Variants in LTBP1 observed in about 807,000 individuals in gnomAD.
LTBP1 encodes the protein latent transforming growth factor beta binding protein 1.
A neutral mutation model predicts 207.6 loss-of-function variants in LTBP1; 129 were observed. That is an observed-to-expected ratio of 0.62 (90% confidence interval 0.54 to 0.72). The LOEUF is 0.72. Ranked by LOEUF, LTBP1 falls within the 30% of genes least tolerant of loss-of-function variation. The pLI is 0.00. For synonymous variants in LTBP1, 963 were observed against 833.7 expected, an observed-to-expected ratio of 1.16 and a Z score of -2.67; for missense variants, 2,281 against 2,217.2, an observed-to-expected ratio of 1.03 and a Z score of -0.58.
At chr2:33,074,829 C>T (rs930134868) in intron 3 of LTBP1, among the ~76,000 whole-genome samples, 3 of 149,486 alleles carry the variant, frequency 2.0e-5, no homozygotes, top group South Asian at 2.1e-4. Context: ...GAGATCGCAC[C>T]ACTGCACTCC....
intron 3 of LTBP1, among the ~76,000 whole-genome samples, chr2:33,046,580 T>A (rs537190154): frequency 2.0e-5 from 3 of 152,286 alleles, no homozygotes; most frequent in Admixed American, 6.5e-5. Context: ...ATTTTCTTTT[T>A]TGTGTGTCTC....
intron 2 of LTBP1, among the ~76,000 whole-genome samples, chr2:33,007,509 A>C (rs1372274889): frequency 6.6e-6 from 1 of 152,218 alleles, no homozygotes; most frequent in Non-Finnish European, 1.5e-5. Flanking sequence ...CTCACGTAGC[A>C]TTTTATTTTA....
At chr2:33,270,720 A>G (rs937634875) in intron 15 of LTBP1, among the ~76,000 whole-genome samples, 2 of 152,068 alleles carry the variant, frequency 1.3e-5, no homozygotes, top group African/African-American at 4.8e-5. Context: ...GAAATCAAGT[A>G]TGTTTCAGAA....
intron 19 of LTBP1, among the ~76,000 whole-genome samples, chr2:33,282,062 CATATAT>C (rs66505403): frequency 0.13 from 18,297 of 142,758 alleles, 1,281 homozygotes; most frequent in African/African-American, 0.19. Flanking sequence ...CCTATATGTG[CATATAT>C]ATATATATAT....
At chr2:33,141,159 C>T (rs544902711) in intron 5 of LTBP1, among the ~76,000 whole-genome samples, 9 of 152,314 alleles carry the variant, frequency 5.9e-5, no homozygotes, top group African/African-American at 1.9e-4. Flanking sequence ...CGTGGATGAA[C>T]CTCAAAGATG....
intron 5 of LTBP1, among the ~76,000 whole-genome samples, chr2:33,172,282 A>G (rs1477919456): frequency 6.6e-6 from 1 of 152,200 alleles, no homozygotes; most frequent in Non-Finnish European, 1.5e-5. Flanking sequence ...AGACACACAT[A>G]GACTCAAAAT....
chr2:33,360,647 T>C lies in LTBP1; in HGVS notation c.4051T>C (p.Tyr1351His). 6.2e-7 allele frequency: 1 copy of C among 1,613,832 alleles called. No individual in the cohort carries two copies. Among genetic ancestry groups the C allele is most frequent in the African/African-American group, 1.3e-5 (1 of 75,052 alleles). ...QPKEEKKECY[Y>H]NLNDASLCDN... ...CAAAGAAGAAAAGAAAGAATGCTAC[T>C]ATAATCTCAATGACGCCAGTCTCTG... Residue 1351 changes from tyrosine to histidine, a missense_variant, in exon 27 of 34, where the codon TAT becomes CAT. Around this residue, in one of 3 missense-constraint regions of LTBP1, gnomAD observed 1,671 missense variants for 1,634.8 expected, o/e 1.02. Coordinates refer to ENST00000404816, the MANE Select transcript of LTBP1 (RefSeq NM_206943.4).
chr2:33,161,945 C>G (rs1438825119), intron 5 of LTBP1, among the ~76,000 whole-genome samples: 1 of 152,134 alleles, frequency 6.6e-6, no homozygotes, highest in African/African-American at 2.4e-5. Context: ...AGATGGGAAC[C>G]AAGTGACTTG....
At chr2:33,080,354 A>G (rs1354259496) in intron 3 of LTBP1, among the ~76,000 whole-genome samples, 2 of 152,168 alleles carry the variant, frequency 1.3e-5, no homozygotes, top group Non-Finnish European at 2.9e-5. Flanking sequence ...AACTAGAACC[A>G]ATGTCCCCAT....
Position 33,186,863 on chromosome 2 carries a change from C to T in LTBP1, c.1209C>T (p.Cys403=), listed in dbSNP as rs1311088268. The change falls in exon 6 of 34, where the codon TGC becomes TGT. Residue 403 remains cysteine, a synonymous_variant. Transcript: ENST00000404816. ...LTATNFRVVI[C]HLPCMNGGQC... ...TTCTCTTTTCCCTTTTAGTAATTTG[C>T]CATCTTCCATGTATGAATGGTGGCC... 6.2e-7 allele frequency: 1 copy of T among 1,613,032 alleles called. No homozygotes were observed. Among genetic ancestry groups the T allele is most frequent in the Admixed American group, 1.7e-5 (1 of 60,014 alleles).
rs1573497815 is a variant in LTBP1 at position 33,263,188 on chromosome 2, A to T, written c.2519-106A>T. 3 of 722,740 alleles carry T rather than the reference A, an allele frequency of 4.2e-6. 1 individual carries two copies. The Admixed American group carries it at 6.0e-5, about 14-fold the overall frequency. The allele number at this position is 722,740 out of a possible 1,614,324, so 44.8% of individuals were successfully genotyped here. On this transcript the variant is annotated intron_variant, in intron 14 of 33. Transcript: ENST00000404816. ...TAGAACAGTTCTTTATATCTGACAA[A>T]TGCTGTGATATATTGCTAGACTAAA...
At chr2:33,236,445 C>G (rs1163484843) in intron 9 of LTBP1, among the ~76,000 whole-genome samples, 1 of 152,198 alleles carries the variant, frequency 6.6e-6, no homozygotes, top group East Asian at 1.9e-4. Context: ...AGTTTTTGAT[C>G]TGGACCTGAG....
chr2:33,276,013 A>AGT, intron 18 of LTBP1, 90 bp downstream of exon 18: 1 of 1,440,824 alleles, frequency 6.9e-7, no homozygotes. Context: ...TCCCACACTC[A>AGT]GTGCGTGACA....
chr2:32,981,391 A>C (rs6714901), intron 2 of LTBP1, among the ~76,000 whole-genome samples: 23,155 of 152,028 alleles, frequency 0.15, 2,126 homozygotes, highest in Non-Finnish European at 0.21. Context: ...TTGTATTTCT[A>C]TGTATTTGCC....
At chr2:33,021,296 AT>A (rs2075154562) in intron 3 of LTBP1, 90 bp downstream of exon 3, 2 of 1,216,842 alleles carry the variant, frequency 1.6e-6, no homozygotes, top group African/African-American at 1.5e-5. Context: ...TTCCTGCACA[AT>A]TTGCAGAAAT....
chr2:33,327,042 T>TA (rs2094436906), intron 24 of LTBP1, among the ~76,000 whole-genome samples: 6 of 152,162 alleles, frequency 3.9e-5, no homozygotes, highest in Admixed American at 3.9e-4. Context: ...TACTCCTCTG[T>TA]AAAAAACCAT....
At chr2:33,224,860 A>G (rs1215172313) in intron 9 of LTBP1, among the ~76,000 whole-genome samples, 1 of 152,146 alleles carries the variant, frequency 6.6e-6, no homozygotes, top group Non-Finnish European at 1.5e-5. Flanking sequence ...CCCCCAAAGA[A>G]TCAGTTATTT....
intron 5 of LTBP1, among the ~76,000 whole-genome samples, chr2:33,138,493 C>G (rs951413711): frequency 2.6e-5 from 4 of 151,876 alleles, no homozygotes; most frequent in African/African-American, 9.7e-5. Flanking sequence ...CCACCCCTGC[C>G]TTTTTAAAAA....
intron 4 of LTBP1, among the ~76,000 whole-genome samples, chr2:33,113,353 T>G (rs1171087929): frequency 1.3e-5 from 2 of 152,134 alleles, no homozygotes; most frequent in Non-Finnish European, 2.9e-5. Flanking sequence ...CTCTCGACAC[T>G]TGGTAAGAGA....
Sources: allele counts gnomAD v4.1 joint callset (sites outside exome capture counted in the v4.1 genomes callset), GRCh38; gene constraint gnomAD v4.1.1; regional missense constraint gnomAD v4.1.1; transcripts MANE v1.5; gene names NCBI Gene and HGNC (gene_info 2026-07-23, HGNC 2026-07-21).